Variants in BBX observed in about 807,000 individuals in gnomAD.
BBX encodes the protein HMG box transcription factor BBX.
Under a neutral mutation model 100.2 loss-of-function variants are expected in BBX, and 30 were observed. That is an observed-to-expected ratio of 0.30 (90% CI 0.22 to 0.41). BBX has a LOEUF of 0.41. Ranked by LOEUF, BBX falls within the 10% of genes least tolerant of loss-of-function variation. The pLI is 1.00. For synonymous variants in BBX, 376 were observed against 388.1 expected (o/e 0.97, Z 0.37); for missense variants, 1,023 against 1,129.8 (o/e 0.91, Z 1.35).
At chr3:107,613,279 C>G (rs1252318725) in intron 2 of BBX, among the ~76,000 whole-genome samples, 1 of 150,014 alleles carries the variant, frequency 6.7e-6, no homozygotes, top group Non-Finnish European at 1.5e-5. Context: ...CTCTGCCTCC[C>G]GGGTTCACGC....
chr3:107,540,695 A>G (rs1364303474), intron 2 of BBX, among the ~76,000 whole-genome samples: 1 of 152,210 alleles, frequency 6.6e-6, no homozygotes, highest in Admixed American at 6.5e-5. Context: ...TTTTATTAAC[A>G]TATTACCCAT....
At chr3:107,617,480 G>T (rs866898828) in intron 2 of BBX, among the ~76,000 whole-genome samples, 3 of 151,750 alleles carry the variant, frequency 2.0e-5, no homozygotes, top group Non-Finnish European at 2.9e-5. Context: ...TGCCATCTTC[G>T]CTATGTTTAG....
intron 7 of BBX, among the ~76,000 whole-genome samples, chr3:107,737,621 C>A (rs910845557): frequency 2.6e-5 from 4 of 152,028 alleles, no homozygotes; most frequent in African/African-American, 9.7e-5. Flanking sequence ...TATTGAATGC[C>A]TTGTATGTGT....
At chr3:107,715,074 C>A (rs1018186203) in intron 4 of BBX, among the ~76,000 whole-genome samples, 1 of 152,046 alleles carries the variant, frequency 6.6e-6, no homozygotes, top group African/African-American at 2.4e-5. Flanking sequence ...ATGAGCCACC[C>A]GCCTGGCCAA....
chr3:107,546,489 T>C (rs1393233913), intron 2 of BBX, among the ~76,000 whole-genome samples: 2 of 152,184 alleles, frequency 1.3e-5, no homozygotes, highest in Non-Finnish European at 2.9e-5. Context: ...ATTATGTGCT[T>C]TTAGTGACAA....
At chr3:107,714,097 T>C (rs2061932620) in intron 4 of BBX, among the ~76,000 whole-genome samples, 1 of 147,838 alleles carries the variant, frequency 6.8e-6, no homozygotes, top group South Asian at 2.3e-4. Flanking sequence ...TGCCTCAGCC[T>C]CCAGAGGAGC....
chr3:107,629,696 C>T (rs978041335), intron 2 of BBX, among the ~76,000 whole-genome samples: 1 of 152,064 alleles, frequency 6.6e-6, no homozygotes, highest in African/African-American at 2.4e-5. Flanking sequence ...AAATTTTGCC[C>T]TCCTCTTGCA....
intron 2 of BBX, among the ~76,000 whole-genome samples, chr3:107,561,820 A>T (rs770170486): frequency 5.9e-5 from 9 of 152,192 alleles, no homozygotes; most frequent in Non-Finnish European, 1.0e-4. Context: ...ACAAAATCTT[A>T]AATTTGGGTG....
intron 3 of BBX, among the ~76,000 whole-genome samples, chr3:107,677,064 CCAGT>C (rs978455467): frequency 3.3e-5 from 5 of 151,818 alleles, no homozygotes; most frequent in Non-Finnish European, 7.4e-5. Context: ...AAAATTTTAA[CCAGT>C]CATTTTGTCA....
intron 3 of BBX, among the ~76,000 whole-genome samples, chr3:107,698,646 C>G (rs1489520742): frequency 1.6e-5 from 2 of 124,918 alleles, no homozygotes; most frequent in African/African-American, 2.8e-5. Context: ...AGCGAGACTC[C>G]ATCTCAAAAA....
rs545397896 is a variant in BBX, at chr3:107,744,381, A to G, written c.670-249A>G. The stretch of plus-strand genomic sequence containing the variant: ...GAAATCCTTCCCTCTCTAACATTCT[A>G]AGCTTCCTATGACTTTTGAATAACA... On this transcript the variant is annotated intron_variant, in intron 7 of 17. Coordinates refer to ENST00000325805, the MANE Select transcript of BBX (RefSeq NM_001142568.3). 7.9e-5 allele frequency among the ~76,000 whole-genome samples: 12 copies of G among 152,272 alleles called. No homozygotes were observed. In the South Asian group the frequency reaches 8.3e-4, roughly 11 times the overall value.
At chr3:107,684,560 A>T (rs1009826091) in intron 3 of BBX, 1 of 152,190 alleles carries the variant, frequency 6.6e-6, no homozygotes, top group African/African-American at 2.4e-5. Context: ...AAGCAGAAAT[A>T]TCCAAGGAAG....
intron 14 of BBX, among the ~76,000 whole-genome samples, chr3:107,790,567 A>G (rs2107933471): frequency 6.6e-6 from 1 of 152,288 alleles, no homozygotes; most frequent in South Asian, 2.1e-4. Flanking sequence ...CCCATAGTGC[A>G]GGACTCCTAT....
intron 2 of BBX, among the ~76,000 whole-genome samples, chr3:107,536,906 G>T (rs2048534851): frequency 6.6e-6 from 1 of 152,122 alleles, no homozygotes; most frequent in African/African-American, 2.4e-5. Context: ...AATAGATATG[G>T]TATGAAATAG....
At chr3:107,664,758 G>T (rs1417442962) in intron 3 of BBX, among the ~76,000 whole-genome samples, 1 of 152,178 alleles carries the variant, frequency 6.6e-6, no homozygotes, top group East Asian at 1.9e-4. Flanking sequence ...TTTTTGCAGA[G>T]AATGTACATT....
At chr3:107,564,068 T>TC (rs1339033331) in intron 2 of BBX, among the ~76,000 whole-genome samples, 1 of 152,112 alleles carries the variant, frequency 6.6e-6, no homozygotes, top group Non-Finnish European at 1.5e-5. Flanking sequence ...TATCAGACTT[T>TC]TTTTTTTTCC....
intron 2 of BBX, among the ~76,000 whole-genome samples, chr3:107,612,043 C>T (rs1224169267): frequency 6.6e-6 from 1 of 151,960 alleles, no homozygotes; most frequent in East Asian, 1.9e-4. Flanking sequence ...TTGCATTTTT[C>T]AATTCCAGAT....
Position 107,699,753 on chromosome 3 carries a change from A to G in BBX, c.-9-10699A>G, listed in dbSNP as rs145264002. Among the ~76,000 whole-genome samples the G allele has an allele frequency of 6.0e-3, 906 of 152,040 alleles. 35 individuals are homozygous for G. The highest frequency in any genetic ancestry group is 0.02 in the African/African-American group (822 of 41,302). On this transcript the variant is annotated intron_variant, in intron 3 of 17. Coordinates refer to ENST00000325805, the MANE Select transcript of BBX (RefSeq NM_001142568.3). ...TGAAGGGAAGGGATGTCTAGTTTCT[A>G]TTCACCAGGCTCTGACATAACTCCA... is the stretch of plus-strand genomic sequence containing the variant.
At chr3:107,633,346 G>C (rs956923128) in intron 2 of BBX, among the ~76,000 whole-genome samples, 2 of 151,998 alleles carry the variant, frequency 1.3e-5, no homozygotes, top group Non-Finnish European at 2.9e-5. Context: ...GAAAAGTTCT[G>C]TACTATCTTT....
Sources: gnomAD v4.1 joint callset for allele counts (sites outside exome capture counted in the v4.1 genomes callset) on GRCh38, gnomAD v4.1.1 for gene constraint, MANE v1.5 for transcripts, NCBI Gene and HGNC (gene_info 2026-07-23, HGNC 2026-07-21) for gene names.